MAP7: variants seen among roughly 807,000 people sequenced by gnomAD.
MAP7 encodes the protein microtubule associated protein 7, also known as ensconsin.
In MAP7, 52 loss-of-function variants were observed where a neutral mutation model predicts 94.8. That is an observed-to-expected ratio of 0.55 (90% CI 0.44 to 0.69). The LOEUF is 0.69. Ranked by LOEUF, MAP7 falls within the 30% of genes least tolerant of loss-of-function variation. MAP7 has a pLI of 0.00. For missense variants in MAP7, 940 were observed against 964.6 expected, an observed-to-expected ratio of 0.97 and a Z score of 0.34; for synonymous variants, 350 against 357.0, an observed-to-expected ratio of 0.98 and a Z score of 0.22.
At chr6:136,420,265 C>T (rs759318493) in intron 2 of MAP7, 2 of 930,726 alleles carry the variant, frequency 2.1e-6, no homozygotes, top group Non-Finnish European at 3.5e-6. Context: ...TAAAACATCG[C>T]AGAAGAGCCG....
chr6:136,458,024 A>T (rs1454502729), intron 1 of MAP7, among the ~76,000 whole-genome samples: 2 of 152,076 alleles, frequency 1.3e-5, no homozygotes, highest in South Asian at 2.1e-4. Context: ...TCTTATTTGT[A>T]AAAAAAACTT....
chr6:136,452,386 C>G (rs1801422384), intron 1 of MAP7, among the ~76,000 whole-genome samples: 1 of 152,014 alleles, frequency 6.6e-6, no homozygotes, highest in African/African-American at 2.4e-5. Flanking sequence ...AGGAACTGAC[C>G]CCAATTTTGA....
chr6:136,529,948 T>C (rs1828335970), intron 1 of MAP7, among the ~76,000 whole-genome samples: 2 of 152,200 alleles, frequency 1.3e-5, no homozygotes, highest in Non-Finnish European at 1.5e-5. Context: ...AGTAAGCTCA[T>C]GACTTGGGCC....
At chr6:136,395,720 T>C (rs111638760) in intron 3 of MAP7, among the ~76,000 whole-genome samples, 2,521 of 152,270 alleles carry the variant, frequency 0.017, 42 homozygotes, top group East Asian at 0.038. Flanking sequence ...CCATTTTGAG[T>C]TGATTTTTGC....
At chr6:136,402,488 C>G (rs1334250723) in intron 3 of MAP7, among the ~76,000 whole-genome samples, 1 of 152,208 alleles carries the variant, frequency 6.6e-6, no homozygotes, top group East Asian at 1.9e-4. Context: ...ACAGAGGGTC[C>G]TTCCCATTTC....
At chr6:136,357,317 CA>C (rs1170610118) in intron 15 of MAP7, among the ~76,000 whole-genome samples, 8 of 152,176 alleles carry the variant, frequency 5.3e-5, no homozygotes, top group African/African-American at 1.9e-4. Context: ...CCTCATTATT[CA>C]AAGCTCAATG....
chr6:136,349,119 T>G (rs747547468), intron 16 of MAP7, among the ~76,000 whole-genome samples: 11 of 152,178 alleles, frequency 7.2e-5, no homozygotes, highest in Non-Finnish European at 1.0e-4. Context: ...ATCCTTTGTT[T>G]CCTGTTCCAA....
chr6:136,521,872 T>G (rs1259956210), intron 1 of MAP7, among the ~76,000 whole-genome samples: 2 of 152,208 alleles, frequency 1.3e-5, no homozygotes, highest in East Asian at 3.8e-4. Flanking sequence ...GGCACACACT[T>G]AACATTTCTG....
intron 1 of MAP7, among the ~76,000 whole-genome samples, chr6:136,429,340 C>G (rs1468860079): frequency 6.6e-6 from 1 of 152,156 alleles, no homozygotes; most frequent in Admixed American, 6.5e-5. Flanking sequence ...ACCCAAAAAC[C>G]TGAAATCTGA....
intron 1 of MAP7, among the ~76,000 whole-genome samples, chr6:136,536,227 C>T (rs1181007000): frequency 1.3e-5 from 2 of 152,088 alleles, no homozygotes; most frequent in African/African-American, 4.8e-5. Context: ...ACTAGCAATC[C>T]AGCAAGGTTT....
chr6:136,514,974 G>C (rs756135850), intron 1 of MAP7, among the ~76,000 whole-genome samples: 1 of 152,174 alleles, frequency 6.6e-6, no homozygotes, highest in Non-Finnish European at 1.5e-5. Flanking sequence ...GTCTATCAAC[G>C]TCCTAGATGG....
chr6:136,404,616 T>C (rs1454395432), intron 3 of MAP7, among the ~76,000 whole-genome samples: 1 of 152,254 alleles, frequency 6.6e-6, no homozygotes, highest in Non-Finnish European at 1.5e-5. Flanking sequence ...CATGATTTTA[T>C]AGAATCCCCG....
chr6:136,476,017 C>T (rs1269600786), intron 1 of MAP7: 2 of 152,188 alleles, frequency 1.3e-5, no homozygotes, highest in African/African-American at 4.8e-5. Flanking sequence ...TGCCTAGATA[C>T]TACCAATTCC....
At chr6:136,525,805 C>T (rs979401102) in intron 1 of MAP7, 44 of 1,527,254 alleles carry the variant, frequency 2.9e-5, no homozygotes, top group African/African-American at 8.3e-5. Flanking sequence ...GATCTGGCTC[C>T]GACCAAAGGG....
chr6:136,492,452 A>T (rs1816911326), intron 1 of MAP7, among the ~76,000 whole-genome samples: 1 of 152,218 alleles, frequency 6.6e-6, no homozygotes, highest in Non-Finnish European at 1.5e-5. Context: ...TCTTTCAAAT[A>T]AGTGTCATCT....
intron 1 of MAP7, among the ~76,000 whole-genome samples, chr6:136,477,867 C>T (rs1376214163): frequency 6.6e-6 from 1 of 152,188 alleles, no homozygotes; most frequent in Non-Finnish European, 1.5e-5. Context: ...TTCTTCTCCT[C>T]AGCACATGGA....
At chr6:136,432,582 C>T (rs1445845403) in intron 1 of MAP7, among the ~76,000 whole-genome samples, 2 of 152,124 alleles carry the variant, frequency 1.3e-5, no homozygotes, top group Non-Finnish European at 2.9e-5. Flanking sequence ...TCATATAGCT[C>T]CTGATAATTC....
At chr6:136,501,758 T>C (rs1246053161) in intron 1 of MAP7, among the ~76,000 whole-genome samples, 1 of 152,100 alleles carries the variant, frequency 6.6e-6, no homozygotes, top group African/African-American at 2.4e-5. Context: ...AATAGACAGA[T>C]CCACCATGGT....
At chr6:136,535,834 T>A (rs894139695) in intron 1 of MAP7, among the ~76,000 whole-genome samples, 1 of 151,874 alleles carries the variant, frequency 6.6e-6, no homozygotes, top group Non-Finnish European at 1.5e-5. Context: ...GCCATGTTGG[T>A]GTGCTGCACC....
Sources: allele counts gnomAD v4.1 joint callset (sites outside exome capture counted in the v4.1 genomes callset), GRCh38; gene constraint gnomAD v4.1.1; transcripts MANE v1.5; gene names NCBI Gene and HGNC (gene_info 2026-07-23, HGNC 2026-07-21).